The following KDM4C variants were observed in gnomAD, a reference collection of about 807,000 sequenced individuals.
KDM4C encodes lysine-specific demethylase 4C.
A neutral mutation model predicts 129.3 loss-of-function variants in KDM4C; 81 were observed. The observed-to-expected ratio is 0.63, with a 90% confidence interval of 0.52 to 0.75. The LOEUF (loss-of-function observed/expected upper bound fraction) is 0.75, where lower values mean the gene tolerates loss of function less well. Ranked by LOEUF, KDM4C falls within the 30% of genes least tolerant of loss-of-function variation. The pLI, the probability that KDM4C is intolerant of heterozygous loss-of-function variation, is 0.00. For missense variants in KDM4C, 1,457 were observed against 1,304.0 expected (o/e 1.12, Z -1.81); for synonymous variants, 573 against 456.1 (o/e 1.26, Z -3.26).
chr9:6,943,122 C>T (rs1358494391), intron 8 of KDM4C, among the ~76,000 whole-genome samples: 5 of 152,100 alleles, frequency 3.3e-5, no homozygotes, highest in African/African-American at 1.2e-4. Flanking sequence ...CCTGCCTCAG[C>T]CTCCCAAAGT....
intron 4 of KDM4C, among the ~76,000 whole-genome samples, chr9:6,841,645 T>C (rs993211775): frequency 6.6e-6 from 1 of 152,182 alleles, no homozygotes; most frequent in African/African-American, 2.4e-5. Flanking sequence ...CAGTTGGAAG[T>C]GTTTCAGTAA....
At chr9:6,782,310 A>G (rs943114844) in intron 1 of KDM4C, among the ~76,000 whole-genome samples, 1 of 152,218 alleles carries the variant, frequency 6.6e-6, no homozygotes, top group Non-Finnish European at 1.5e-5. Flanking sequence ...GTTTTGCCAG[A>G]TAGGCACCAC....
chr9:6,792,604 G>T (rs1826886678), intron 1 of KDM4C, among the ~76,000 whole-genome samples: 1 of 152,008 alleles, frequency 6.6e-6, no homozygotes. Flanking sequence ...GGCTAGTCTG[G>T]TCTCGAACTC....
intron 15 of KDM4C, among the ~76,000 whole-genome samples, chr9:7,025,994 C>T (rs1825748964): frequency 6.6e-6 from 1 of 152,048 alleles, no homozygotes; most frequent in African/African-American, 2.4e-5. Flanking sequence ...CCCTTGAGGT[C>T]AGGAGTTCGA....
chr9:6,927,087 T>TTTTCTTTC (rs373017184), intron 8 of KDM4C, among the ~76,000 whole-genome samples: 2 of 121,092 alleles, frequency 1.7e-5, no homozygotes, highest in Non-Finnish European at 1.8e-5. Context: ...TCAAAAAAAA[T>TTTTCTTTC]TTTCTATCTA....
intron 17 of KDM4C, among the ~76,000 whole-genome samples, chr9:7,070,448 T>G (rs1394967712): frequency 6.6e-6 from 1 of 152,164 alleles, no homozygotes; most frequent in African/African-American, 2.4e-5. Context: ...AGACCCATAT[T>G]CATCATGAAT....
rs142070576 is a variant in KDM4C, at chr9:7,139,566, G to T, written c.2781+11330G>T. ...CTCTAAAATTATATGTATATATATT[G>T]TAAAGACTGTCTCATCACACTATAA... On this transcript the variant is annotated intron_variant, in intron 19 of 21. Transcript: ENST00000381309. Among the ~76,000 whole-genome samples, 464 of 152,246 alleles carry T rather than the reference G, an allele frequency of 3.0e-3. 3 individuals are homozygous for T. Among genetic ancestry groups the T allele is most frequent in the African/African-American group, 0.011 (447 of 41,536 alleles).
intron 1 of KDM4C, chr9:6,735,149 C>T (rs972636530): frequency 8.7e-6 from 2 of 231,178 alleles, no homozygotes; most frequent in Non-Finnish European, 1.7e-5. Context: ...CCTGTCCCCG[C>T]CCCCACCCCC....
chr9:6,930,677 TATA>T (rs1394191583), intron 8 of KDM4C, among the ~76,000 whole-genome samples: 4 of 70,406 alleles, frequency 5.7e-5, no homozygotes, highest in East Asian at 2.5e-4. Flanking sequence ...ACAATTAATA[TATA>T]ATATATTAAT....
At chr9:6,780,201 G>T (rs1824010922) in intron 1 of KDM4C, among the ~76,000 whole-genome samples, 2 of 152,104 alleles carry the variant, frequency 1.3e-5, no homozygotes, top group Non-Finnish European at 2.9e-5. Context: ...TATGCCAGCT[G>T]TGTAAGTATG....
At chr9:6,858,065 C>T (rs1840210870) in intron 5 of KDM4C, among the ~76,000 whole-genome samples, 1 of 151,804 alleles carries the variant, frequency 6.6e-6, no homozygotes, top group African/African-American at 2.4e-5. Context: ...AAGCACTCTT[C>T]CTGCCTTGGC....
rs1828292281 is a variant in KDM4C, at chr9:7,040,036, A to G, written c.2260-6826A>G. On this transcript the variant is annotated intron_variant, in intron 15 of 21. Coordinates refer to ENST00000381309, the MANE Select transcript of KDM4C (RefSeq NM_015061.6). Reference sequence around the variant, plus strand: ...ATGTTTCTTAGAATTCAATACTGGGAAATTTTTAGAGGCCTTTGTTATAAG... The same window carrying G: ...ATGTTTCTTAGAATTCAATACTGGGGAATTTTTAGAGGCCTTTGTTATAAG... Among the ~76,000 whole-genome samples, 3 of 152,080 alleles carry G rather than the reference A, an allele frequency of 2.0e-5. No individual in the cohort carries two copies. The South Asian group carries it at 6.2e-4, about 31-fold the overall frequency.
chr9:6,840,643 C>G lies in KDM4C; in HGVS notation c.436-8864C>G, dbSNP rs569267938. Among the ~76,000 whole-genome samples the G allele has an allele frequency of 9.2e-5, 14 of 152,312 alleles. No individual in the cohort carries two copies. In the East Asian group the frequency reaches 2.3e-3, roughly 25 times the overall value. On this transcript the variant is annotated intron_variant, in intron 4 of 21. Transcript: ENST00000381309. ...AACTTCTGACCTTGTGATCCGCCCC[C>G]ACTTCGGCCTCCCAAAGCATTGGGA...
rs552914550 is a variant in KDM4C, at chr9:7,153,347, C to A, written c.2782-11891C>A. The stretch of plus-strand genomic sequence containing the variant: ...AAGTGGTGTATCCCCATCAGAGTAG[C>A]CCCCTTGAGAGGCCATTGCTAAGAG... On this transcript the variant is annotated intron_variant, in intron 19 of 21. Transcript: ENST00000381309. Among the ~76,000 whole-genome samples the A allele has an allele frequency of 5.9e-5, 9 of 152,280 alleles. No individual in the cohort carries two copies. In the South Asian group the frequency reaches 1.7e-3, roughly 28 times the overall value.
intron 4 of KDM4C, among the ~76,000 whole-genome samples, chr9:6,821,268 T>C (rs1832983998): frequency 6.6e-6 from 1 of 152,244 alleles, no homozygotes; most frequent in African/African-American, 2.4e-5. Context: ...ATGATAATTC[T>C]AGTTCTAGAT....
At chr9:6,837,780 C>G (rs1017319679) in intron 4 of KDM4C, among the ~76,000 whole-genome samples, 1 of 152,086 alleles carries the variant, frequency 6.6e-6, no homozygotes, top group Non-Finnish European at 1.5e-5. Context: ...ATTCTTTTCA[C>G]TATTTTGTTT....
intron 1 of KDM4C, among the ~76,000 whole-genome samples, chr9:6,789,935 G>GT (rs1826207082): frequency 6.6e-6 from 1 of 151,738 alleles, no homozygotes; most frequent in South Asian, 2.1e-4. Flanking sequence ...TAAATTTTAT[G>GT]TATCTCCTAC....
chr9:7,026,300 G>T (rs1825812266), intron 15 of KDM4C, among the ~76,000 whole-genome samples: 2 of 151,766 alleles, frequency 1.3e-5, no homozygotes, highest in Non-Finnish European at 2.9e-5. Flanking sequence ...TGTTTGTCTG[G>T]GAAAGTCTTT....
chr9:7,065,749 T>G (rs4740868), intron 17 of KDM4C, among the ~76,000 whole-genome samples: 87,444 of 151,986 alleles, frequency 0.58, 26,193 homozygotes, highest in South Asian at 0.68. Flanking sequence ...GAGCAGCTTA[T>G]AATATGCTGG....
Sources: gnomAD v4.1 joint callset for allele counts (sites outside exome capture counted in the v4.1 genomes callset) on GRCh38, gnomAD v4.1.1 for gene constraint, MANE v1.5 for transcripts, NCBI Gene and HGNC (gene_info 2026-07-23, HGNC 2026-07-21) for gene names.